Variants in NPEPPS observed in about 807,000 individuals in gnomAD.
NPEPPS encodes puromycin-sensitive aminopeptidase.
In NPEPPS, 14 loss-of-function variants were observed where a neutral mutation model predicts 115.5. That is an observed-to-expected ratio of 0.12 (90% CI 0.08 to 0.19). The LOEUF (loss-of-function observed/expected upper bound fraction) is 0.19. Among genes scored for constraint, NPEPPS ranks in the 10% least tolerant of loss-of-function variants. The pLI, the probability that NPEPPS is intolerant of heterozygous loss-of-function variation, is 1.00. For synonymous variants in NPEPPS, 285 were observed against 390.6 expected, an observed-to-expected ratio of 0.73 and a Z score of 3.19; for missense variants, 523 against 1,110.8, an observed-to-expected ratio of 0.47 and a Z score of 7.52.
intron 19 of NPEPPS, among the ~76,000 whole-genome samples, chr17:47,617,476 C>T (rs986027865): frequency 1.3e-5 from 2 of 149,788 alleles, no homozygotes; most frequent in Non-Finnish European, 3.0e-5. Flanking sequence ...GGATTACAGG[C>T]GTGAACCACT....
chr17:47,560,874 T>C (rs1244816748), intron 2 of NPEPPS, among the ~76,000 whole-genome samples: 13 of 152,228 alleles, frequency 8.5e-5, no homozygotes. Context: ...GCTACACTGG[T>C]ATATGTGGGC....
intron 9 of NPEPPS, among the ~76,000 whole-genome samples, chr17:47,589,928 A>G (rs12942816): frequency 2.6e-5 from 4 of 151,836 alleles, no homozygotes; most frequent in Admixed American, 1.3e-4. Context: ...TAAATTCTAC[A>G]TGATTATATT....
chr17:47,534,872 T>G (rs1470678550), intron 1 of NPEPPS, among the ~76,000 whole-genome samples: 1 of 151,736 alleles, frequency 6.6e-6, no homozygotes, highest in African/African-American at 2.4e-5. Flanking sequence ...CCCGGCCAAC[T>G]TAGTGGATTT....
intron 5 of NPEPPS, among the ~76,000 whole-genome samples, chr17:47,585,017 T>C (rs10445374): frequency 0.53 from 80,668 of 151,738 alleles, 21,693 homozygotes; most frequent in East Asian, 0.66. Context: ...TTAGTAGAGA[T>C]GGGGTTTCAC....
chr17:47,589,624 A>T (rs887866307), intron 9 of NPEPPS, among the ~76,000 whole-genome samples: 2 of 152,144 alleles, frequency 1.3e-5, no homozygotes, highest in African/African-American at 4.8e-5. Context: ...AGATCTTTCA[A>T]ATTTTTTTAA....
intron 2 of NPEPPS, among the ~76,000 whole-genome samples, chr17:47,566,674 C>T (rs1910839803): frequency 1.3e-5 from 2 of 151,098 alleles, no homozygotes; most frequent in East Asian, 2.0e-4. Flanking sequence ...CCACCCACCT[C>T]GGCCTCCCAA....
chr17:47,606,760 A>G (rs375910698), intron 17 of NPEPPS, among the ~76,000 whole-genome samples: 97 of 2,094 alleles, frequency 0.046, no homozygotes, highest in Middle Eastern at 0.5. Context: ...ATATTTATGT[A>G]GCTAGTAAAT....
intron 2 of NPEPPS, among the ~76,000 whole-genome samples, chr17:47,546,665 G>A (rs911824145): frequency 2.0e-5 from 3 of 151,988 alleles, no homozygotes; most frequent in African/African-American, 7.3e-5. Flanking sequence ...TCAGCCTCCT[G>A]AGTGGCTGAG....
chr17:47,604,072 A>G (rs1485769098), intron 16 of NPEPPS, 23 bp downstream of exon 16: 5 of 1,594,962 alleles, frequency 3.1e-6, no homozygotes, highest in South Asian at 1.1e-5. Flanking sequence ...GACTTAAGTA[A>G]TATGATGGAT....
chr17:47,570,125 A>G (rs1184097806), intron 3 of NPEPPS, among the ~76,000 whole-genome samples: 1 of 152,202 alleles, frequency 6.6e-6, no homozygotes, highest in African/African-American at 2.4e-5. Context: ...ACCTTTTTAA[A>G]AATACCTTTA....
At chr17:47,547,999 C>G (rs1180639892) in intron 2 of NPEPPS, among the ~76,000 whole-genome samples, 1 of 152,134 alleles carries the variant, frequency 6.6e-6, no homozygotes, top group African/African-American at 2.4e-5. Context: ...GCACTCCAGC[C>G]TGGGCGACAG....
At chr17:47,613,786 A>AC (rs1914020566) in intron 19 of NPEPPS, 61 bp downstream of exon 19, 1 of 1,229,654 alleles carries the variant, frequency 8.1e-7, no homozygotes, top group Non-Finnish European at 1.2e-6. Flanking sequence ...CACACAGTAA[A>AC]CCTCTAAATG....
chr17:47,542,494 C>G (rs1016406850), intron 1 of NPEPPS, among the ~76,000 whole-genome samples: 1 of 148,558 alleles, frequency 6.7e-6, no homozygotes, highest in African/African-American at 2.5e-5. Flanking sequence ...TGCGGTGAGC[C>G]GAGATCACGC....
At chr17:47,607,214 G>A (rs148968234) in intron 17 of NPEPPS, among the ~76,000 whole-genome samples, 94 of 152,068 alleles carry the variant, frequency 6.2e-4, no homozygotes, top group Non-Finnish European at 8.7e-4. Context: ...AAAGAAAGTC[G>A]TCAGATAATA....
At chr17:47,526,144 G>A (rs1389697609), upstream of NPEPPS, among the ~76,000 whole-genome samples, 7 of 152,094 alleles carry the variant, frequency 4.6e-5, no homozygotes, top group East Asian at 1.9e-4. Flanking sequence ...CCTAGGAGGC[G>A]GAGGTTGCAG....
chr17:47,569,993 C>T (rs1037382745), intron 3 of NPEPPS, among the ~76,000 whole-genome samples: 3 of 152,116 alleles, frequency 2.0e-5, no homozygotes, highest in African/African-American at 2.4e-5. Flanking sequence ...AGTTGGGCTA[C>T]GAAAAGCAGG....
chr17:47,586,963 A>C (rs1912229598), intron 8 of NPEPPS: 1 of 401,924 alleles, frequency 2.5e-6, no homozygotes, highest in Non-Finnish European at 4.6e-6. Context: ...CTAATCCCTT[A>C]GACAATGTTT....
chr17:47,598,791 GCTTT>G (rs1042743812), intron 13 of NPEPPS, among the ~76,000 whole-genome samples: 4 of 152,162 alleles, frequency 2.6e-5, no homozygotes, highest in African/African-American at 9.7e-5. Flanking sequence ...TCAAGGTCTT[GCTTT>G]CTTTGTTTTC....
At chr17:47,542,087 T>A (rs1402525455) in intron 1 of NPEPPS, among the ~76,000 whole-genome samples, 4 of 152,244 alleles carry the variant, frequency 2.6e-5, no homozygotes, top group African/African-American at 9.6e-5. Flanking sequence ...ACTACTCTGA[T>A]GTTCTTACCT....
Sources: allele counts gnomAD v4.1 joint callset (sites outside exome capture counted in the v4.1 genomes callset), GRCh38; gene constraint gnomAD v4.1.1; transcripts MANE v1.5; gene names NCBI Gene and HGNC (gene_info 2026-07-23, HGNC 2026-07-21).